Variants in CDC42BPG observed in about 807,000 individuals in gnomAD.
The protein encoded by CDC42BPG is CDC42 binding protein kinase gamma, also known as serine/threonine-protein kinase MRCK gamma.
In CDC42BPG, 157 loss-of-function variants were observed where a neutral mutation model predicts 192.2. The ratio of observed to expected loss-of-function variants is 0.82; its 90% CI spans 0.72 to 0.93. The LOEUF is 0.93. CDC42BPG is among the 40% of genes least tolerant of loss of function. The pLI, the probability that CDC42BPG is intolerant of heterozygous loss-of-function variation, is 0.00. For missense variants in CDC42BPG, 1,992 were observed against 2,122.1 expected (o/e 0.94, Z 1.20); for synonymous variants, 981 against 918.5 (o/e 1.07, Z -1.23).
At chr11:64,824,565 T>C (rs1424915671) in intron 36 of CDC42BPG, 36 bp from the exon 37 acceptor site, 2 of 1,510,378 alleles carry the variant, frequency 1.3e-6, no homozygotes, top group East Asian at 2.2e-5. Flanking sequence ...AGGGGTAGGA[T>C]CAGGAAGAAC....
At chr11:64,836,610 T>C in intron 11 of CDC42BPG, 80 bp from the exon 12 acceptor site, 2 of 1,347,802 alleles carry the variant, frequency 1.5e-6, no homozygotes, top group Non-Finnish European at 2.1e-6. Flanking sequence ...TTGGCCTGTT[T>C]CCCACACGCG....
intron 36 of CDC42BPG, 138 bp downstream of exon 36, chr11:64,826,332 G>C: frequency 1.5e-6 from 1 of 671,476 alleles, no homozygotes; most frequent in Non-Finnish European, 2.7e-6. Context: ...AGACAGGTAA[G>C]AATCTGCATC....
chr11:64,831,745 AG>A, intron 27 of CDC42BPG, 24 bp from the exon 28 acceptor site: 1 of 1,557,270 alleles, frequency 6.4e-7, no homozygotes, highest in Admixed American at 1.9e-5. Context: ...CCCCAGCTGG[AG>A]GGCCGTGGAC....
Position 64,841,829 on chromosome 11 carries a change from C to G in CDC42BPG, c.236G>C (p.Arg79Pro), listed in dbSNP as rs747987826. Residue 79 changes from arginine to proline, a missense_variant, in exon 2 of 37, where the codon CGA becomes CCA. Arg to Pro is a moderately radical substitution (Grantham distance 103). Transcript: ENST00000342711. ...DDFEILKVIG[R>P]GAFGEVTVVR... is the part of the protein sequence containing the mutation. ...TTTGCTCACCTCCCCAAAGGCTCCT[C>G]GGCCGATCACCTTCAAGATCTCAAA... is the stretch of plus-strand genomic sequence containing the variant. 3 of 1,614,036 alleles carry G rather than the reference C, an allele frequency of 1.9e-6. No homozygotes were observed. The highest frequency in any genetic ancestry group is 2.5e-6 in the Non-Finnish European group (3 of 1,180,008).
At chr11:64,842,795 G>A (rs1943336540) in intron 1 of CDC42BPG, among the ~76,000 whole-genome samples, 1 of 152,218 alleles carries the variant, frequency 6.6e-6, no homozygotes, top group African/African-American at 2.4e-5. Flanking sequence ...GGAGGCAGGA[G>A]TGATCAGTCA....
At position 64,834,900 on chromosome 11, in the gene CDC42BPG, C is replaced by T; in HGVS notation, c.2124G>A (p.Glu708=). The T allele has an allele frequency of 6.2e-7, 1 of 1,614,128 alleles. No homozygotes were observed. Among genetic ancestry groups the T allele is most frequent in the South Asian group, 1.1e-5 (1 of 91,086 alleles). ...TGCCTACGTTCCTCAAGGACTCCAG[C>T]TCCTCTGCCATCTTGGTGGCCAGGG... ...LQALATKMAE[E]LESLRNVGTQ... is the part of the protein sequence containing the mutation. The change falls in exon 18 of 37, where the codon GAG becomes GAA. Residue 708 remains glutamate, a synonymous_variant. Coordinates refer to ENST00000342711, the MANE Select transcript of CDC42BPG (RefSeq NM_017525.3).
intron 3 of CDC42BPG, among the ~76,000 whole-genome samples, chr11:64,841,078 G>A (rs1943260976): frequency 6.6e-6 from 1 of 150,640 alleles, no homozygotes; most frequent in Non-Finnish European, 1.5e-5. Flanking sequence ...TTGCACCCAG[G>A]AGGTGGAGGT....
rs760127420 is a variant in CDC42BPG, at chr11:64,831,524, C to T, written c.3285G>A (p.Thr1095=). ...YDNGLPLLPH[T]LCAAILDQDR... is the part of the protein sequence containing the mutation. ...GCTCACCGAGGATGGCAGCGCAGAG[C>T]GTGTGAGGCAGCAGCGGCAGCCCGT... The change falls in exon 28 of 37, where the codon ACG becomes ACA. Residue 1095 remains threonine, a synonymous_variant. Coordinates refer to ENST00000342711, the MANE Select transcript of CDC42BPG (RefSeq NM_017525.3). 2.4e-5 allele frequency: 38 copies of T among 1,610,468 alleles called. No homozygotes were observed. Among genetic ancestry groups the T allele is most frequent in the African/African-American group, 4.0e-5 (3 of 74,912 alleles).
chr11:64,831,443 T>G, intron 28 of CDC42BPG, 62 bp downstream of exon 28: 1 of 1,477,220 alleles, frequency 6.8e-7, no homozygotes, highest in Non-Finnish European at 9.3e-7. Context: ...TTGGGACTAT[T>G]CCTAGACACC....
In CDC42BPG at chr11:64,827,273, C is replaced by T. The variant is rs1173410842; in HGVS notation, c.4271+5G>A. ...AGCCTCAGCCCCCGCGTCGTGCACG[C>T]GCACCTGCGCTGCTGCTTCTGCTGC... On this transcript the variant is annotated splice_donor_5th_base_variant and intron_variant, in intron 33 of 36. Coordinates refer to ENST00000342711, the MANE Select transcript of CDC42BPG (RefSeq NM_017525.3). 5 of 1,613,320 alleles carry T rather than the reference C, an allele frequency of 3.1e-6. No homozygotes were observed. The highest frequency in any genetic ancestry group is 2.2e-5 in the East Asian group (1 of 44,896).
In CDC42BPG at chr11:64,829,509, C is replaced by G; in HGVS notation, c.3929G>C (p.Gly1310Ala). 1.9e-6 allele frequency: 3 copies of G among 1,612,950 alleles called. No homozygotes were observed. Among genetic ancestry groups the G allele is most frequent in the Non-Finnish European group, 1.7e-6 (2 of 1,179,928 alleles). The change falls in exon 30 of 37, where the codon GGC (glycine) becomes GCC (alanine). Residue 1310 changes from glycine (G) to alanine (A), a missense_variant. Transcript: ENST00000342711. The part of the protein sequence containing the change: ...YVDGAGRKSR[G>A]HELLWPAAPM... ...CGCTGCTGGCCACAACAGCTCGTGG[C>G]CACGAGACTTGCGGCCTGCGCCATC... is the stretch of plus-strand genomic sequence containing the variant.
chr11:64,826,856 G>C lies in CDC42BPG; in HGVS notation c.4390-62C>G. The C allele has an allele frequency of 3.4e-6, 5 of 1,451,982 alleles. No individual in the cohort carries two copies. In the South Asian group the frequency reaches 4.3e-5, roughly 12 times the overall value. 89.9% of individuals were successfully genotyped at this position (1,451,982 alleles called of 1,614,324 possible). On this transcript the variant is annotated intron_variant, in intron 34 of 36. Coordinates refer to ENST00000342711, the MANE Select transcript of CDC42BPG (RefSeq NM_017525.3). ...GGCACAAGGAGGACAAGAGGCCCAA[G>C]GCACAACAGACCAGGACAAATGAAC...
At position 64,836,503 on chromosome 11, in the gene CDC42BPG, G is replaced by A. The variant is rs760743429; in HGVS notation, c.1412C>T (p.Ser471Phe). ...ACCAGCTGGGGGCCCATCCGTCTGG[G>A]ACAATGAGGCCTTGTCCCTCAGCAT... ...PEMLRDKASL[S>F]QTDGPPAGSP... Residue 471 changes from serine (S) to phenylalanine (F), a missense_variant, in exon 12 of 37, where the codon TCC becomes TTC. Physicochemically the swap from Ser to Phe is radical, Grantham distance 155 (BLOSUM62 -2). Coordinates refer to ENST00000342711, the MANE Select transcript of CDC42BPG (RefSeq NM_017525.3). 1.9e-6 allele frequency: 3 copies of A among 1,613,450 alleles called. No individual in the cohort carries two copies. Among genetic ancestry groups the A allele is most frequent in the East Asian group, 2.2e-5 (1 of 44,886 alleles).
At position 64,844,586 on chromosome 11, in the gene CDC42BPG, T is replaced by C. The variant is rs1943423456; in HGVS notation, c.-17A>G. ...CCGCTCCATGGCTGCGGCCGGAGCC[T>C]CGCTGCTCGGCTACAGTCTGGCCGC... On this transcript the variant is annotated 5_prime_UTR_variant, in exon 1 of 37. Coordinates refer to ENST00000342711, the MANE Select transcript of CDC42BPG (RefSeq NM_017525.3). The C allele has an allele frequency of 8.0e-7, 1 of 1,257,622 alleles. No individual in the cohort carries two copies. The highest frequency in any genetic ancestry group is 1.0e-6 in the Non-Finnish European group (1 of 1,001,574). 77.9% of individuals were successfully genotyped at this position (1,257,622 alleles called of 1,614,324 possible).
rs1474544803 is a variant in CDC42BPG, at chr11:64,827,282, G to C, written c.4267C>G (p.Arg1423Gly). 6.2e-7 allele frequency: 1 copy of C among 1,613,648 alleles called. No individual in the cohort carries two copies. The highest frequency in any genetic ancestry group is 8.5e-7 in the Non-Finnish European group (1 of 1,179,896). ...RVSEEQQKQQ[R>G]REMLKDPFVR... ...CCCCGCGTCGTGCACGCGCACCTGC[G>C]CTGCTGCTTCTGCTGCTCCTCCGAC... The change falls in exon 33 of 37, where the codon CGC becomes GGC. Residue 1423 changes from arginine to glycine, a missense_variant. Physicochemically the swap from Arg to Gly is moderately radical, Grantham distance 125 (BLOSUM62 -2). Coordinates refer to ENST00000342711, the MANE Select transcript of CDC42BPG (RefSeq NM_017525.3).
At position 64,832,419 on chromosome 11, in the gene CDC42BPG, G is replaced by A. The variant is rs1269168920; in HGVS notation, c.3087+9C>T. 6.2e-7 allele frequency: 1 copy of A among 1,612,734 alleles called. No individual in the cohort carries two copies. The highest frequency in any genetic ancestry group is 8.5e-7 in the Non-Finnish European group (1 of 1,179,436). ...ATGGTGGCTGCTCCATCTCATCCCA[G>A]GCACTCACCCTAAAGATGCGTGGCA... On this transcript the variant is annotated intron_variant, in intron 27 of 36. Coordinates refer to ENST00000342711, the MANE Select transcript of CDC42BPG (RefSeq NM_017525.3).
chr11:64,838,536 AGCCCC>A, intron 8 of CDC42BPG, 113 bp downstream of exon 8: 2 of 1,346,576 alleles, frequency 1.5e-6, no homozygotes, highest in Non-Finnish European at 2.0e-6. Flanking sequence ...ATAAATCATA[AGCCCC>A]GGTGTCTGAA....
chr11:64,837,110 G>C (rs1943056957), intron 9 of CDC42BPG, 91 bp from the exon 10 acceptor site: 1 of 1,156,450 alleles, frequency 8.6e-7, no homozygotes, highest in South Asian at 1.2e-5. Flanking sequence ...CATTAATTGT[G>C]AAACAGCCAA....
chr11:64,835,346 C>T lies in CDC42BPG; in HGVS notation c.1953+1G>A, dbSNP rs182937162. 2 of 1,614,026 alleles carry T rather than the reference C, an allele frequency of 1.2e-6. No homozygotes were observed. The highest frequency in any genetic ancestry group is 2.2e-5 in the East Asian group (1 of 44,874). ...CCCTCCGTCTGTTGTACCCTGCTCA[C>T]CCGCTCCTGCTCCCGGCTCAGCCTC... On this transcript the variant is annotated splice_donor_variant, in intron 16 of 36. Coordinates refer to ENST00000342711, the MANE Select transcript of CDC42BPG (RefSeq NM_017525.3). LOFTEE classifies it high-confidence loss of function.
Sources: gnomAD v4.1 joint callset for allele counts (sites outside exome capture counted in the v4.1 genomes callset) on GRCh38, gnomAD v4.1.1 for gene constraint, MANE v1.5 for transcripts, NCBI Gene and HGNC (gene_info 2026-07-23, HGNC 2026-07-21) for gene names.